Variants in KPTN observed in about 807,000 individuals in gnomAD.
KPTN encodes kaptin, actin binding protein, also known as KICSTOR complex protein kaptin.
Under a neutral mutation model 52.6 loss-of-function variants are expected in KPTN, and 36 were observed. The observed-to-expected ratio is 0.68, with a 90% confidence interval of 0.52 to 0.90. The LOEUF is 0.90. Among genes scored for constraint, KPTN ranks in the 40% least tolerant of loss-of-function variants. The pLI, the probability that KPTN is intolerant of heterozygous loss-of-function variation, is 0.00. For missense variants in KPTN, 529 were observed against 576.2 expected (o/e 0.92, Z 0.84); for synonymous variants, 271 against 248.4 (o/e 1.09, Z -0.85).
At chr19:47,482,493 A>AG (rs1432494339) in intron 4 of KPTN, among the ~76,000 whole-genome samples, 3 of 150,476 alleles carry the variant, frequency 2.0e-5, no homozygotes, top group South Asian at 4.2e-4. Flanking sequence ...AAAAAAAAAA[A>AG]AAGAAAGAAA....
At position 47,476,612 on chromosome 19, in the gene KPTN, C is replaced by T. The variant is rs989247581; in HGVS notation, c.1102G>A (p.Ala368Thr). ...WQRSFSSPLL[A>T]MAHVDLTGDG... Reference sequence around the variant, plus strand: ...CCGGTCAGGTCCACGTGAGCCATGGCCAGCAGGGGACTGGAGAAGCTCCGC... The same window carrying T: ...CCGGTCAGGTCCACGTGAGCCATGGTCAGCAGGGGACTGGAGAAGCTCCGC... Residue 368 changes from alanine (A) to threonine (T), a missense_variant, in exon 11 of 12, where the codon GCC (alanine) becomes ACC (threonine). By Grantham distance (58) the Ala-to-Thr change is moderately conservative. Transcript: ENST00000338134. The T allele has an allele frequency of 1.9e-6, 3 of 1,612,638 alleles. No homozygotes were observed. The highest frequency in any genetic ancestry group is 2.5e-6 in the Non-Finnish European group (3 of 1,179,774).
intron 8 of KPTN, among the ~76,000 whole-genome samples, chr19:47,479,334 C>T (rs1411938142): frequency 6.6e-6 from 1 of 152,162 alleles, no homozygotes; most frequent in Non-Finnish European, 1.5e-5. Flanking sequence ...CTAGTCAAAA[C>T]TTTTTTAAAA....
At position 47,476,714 on chromosome 19, in the gene KPTN, C is replaced by T. The variant is rs199899804; in HGVS notation, c.1000G>A (p.Glu334Lys). Residue 334 changes from glutamate (E) to lysine (K), a missense_variant and splice_region_variant, in exon 11 of 12, where the codon GAA (glutamate) becomes AAA (lysine). Transcript: ENST00000338134. ...CCCCGGTACTTATAACACAGCAGTT[C>T]CTGCGGGGGTGAAGAATCAGGTCAC... ...PEVLVATYGQ[E>K]LLCYKYRGPE... The T allele has an allele frequency of 3.7e-4, 590 of 1,610,266 alleles. No individual in the cohort carries two copies. Among genetic ancestry groups the T allele is most frequent in the Non-Finnish European group, 4.7e-4 (558 of 1,178,262 alleles).
At chr19:47,480,864 C>G (rs1967855112) in intron 5 of KPTN, 31 bp from the exon 6 acceptor site, 1 of 1,613,596 alleles carries the variant, frequency 6.2e-7, no homozygotes, top group African/African-American at 1.3e-5. Context: ...CCCACCCCCG[C>G]TTAAGTCAGC....
rs1374830924 is a variant in KPTN, at chr19:47,480,994, C to T, written c.489G>A (p.Leu163=). ...GATGAATGGCCGGGTCGTTCCCACT[C>T]AAGAGAAACACAGTCTCAAGTTGAT... The part of the protein sequence containing the change: ...VGDQLETVFL[L]SGNDPAIHLY... Residue 163 remains leucine, a synonymous_variant, in exon 5 of 12, where the codon TTG becomes TTA. Coordinates refer to ENST00000338134, the MANE Select transcript of KPTN (RefSeq NM_007059.4). 1 of 1,596,534 alleles carries T rather than the reference C, an allele frequency of 6.3e-7. No individual in the cohort carries two copies. The highest frequency in any genetic ancestry group is 1.8e-5 in the Admixed American group (1 of 56,798).
At chr19:47,481,745 C>T (rs908413775) in intron 4 of KPTN, 3 of 152,146 alleles carry the variant, frequency 2.0e-5, no homozygotes, top group Non-Finnish European at 4.4e-5. Flanking sequence ...ACAGACTGGC[C>T]CTCAAAGCCT....
chr19:47,484,810 T>C (rs756474454), upstream of KPTN, among the ~76,000 whole-genome samples: 1 of 151,496 alleles, frequency 6.6e-6, no homozygotes, highest in South Asian at 2.1e-4. Context: ...GTTCAAGCGA[T>C]TCTCCTGCCT....
chr19:47,476,494 G>A, intron 11 of KPTN, 38 bp downstream of exon 11: 1 of 1,545,282 alleles, frequency 6.5e-7, no homozygotes, highest in Non-Finnish European at 8.8e-7. Flanking sequence ...CGAAACTGCT[G>A]AGGTCGACTC....
chr19:47,480,490 C>G, intron 6 of KPTN, 83 bp from the exon 7 acceptor site: 1 of 1,009,280 alleles, frequency 9.9e-7, no homozygotes, highest in Non-Finnish European at 1.5e-6. Context: ...GCAGCCGCCC[C>G]TCCCTGTAGC....
At chr19:47,483,251 C>A (rs772328610) in intron 3 of KPTN, 36 bp from the exon 4 acceptor site, 4 of 1,613,596 alleles carry the variant, frequency 2.5e-6, no homozygotes, top group Non-Finnish European at 3.4e-6. Flanking sequence ...GCATGGGGGA[C>A]CTGCTGGGGA....
chr19:47,483,843 C>T, intron 1 of KPTN, 92 bp downstream of exon 1: 2 of 1,543,020 alleles, frequency 1.3e-6, no homozygotes, highest in Non-Finnish European at 1.8e-6. Flanking sequence ...TCCCATTCTT[C>T]CAGCACGGTG....
chr19:47,476,777 G>A lies in KPTN; in HGVS notation c.999+26C>T, dbSNP rs1366665757. The A allele has an allele frequency of 1.9e-6, 3 of 1,598,016 alleles. No homozygotes were observed. The African/African-American group carries it at 4.0e-5, about 21-fold the overall frequency. ...GGGGACAGTGGAGGGAGGCCGGTGG[G>A]TGTGGCTCCAACTGTCAGGTCCCAC... is the stretch of plus-strand genomic sequence containing the variant. On this transcript the variant is annotated intron_variant, in intron 10 of 11. Coordinates refer to ENST00000338134, the MANE Select transcript of KPTN (RefSeq NM_007059.4).
At chr19:47,476,330 T>A (rs1967663036) in intron 11 of KPTN, 1 of 334,350 alleles carries the variant, frequency 3.0e-6, no homozygotes, top group Admixed American at 7.1e-5. Context: ...AATAAATAAA[T>A]AAATAAATCT....
At chr19:47,485,285 AG>A (rs1968038851), upstream of KPTN, among the ~76,000 whole-genome samples, 4 of 152,240 alleles carry the variant, frequency 2.6e-5, no homozygotes. Flanking sequence ...ACCTCTACAA[AG>A]AGGTTTATTA....
At chr19:47,483,608 C>A in intron 1 of KPTN, 24 bp from the exon 2 acceptor site, 2 of 1,482,852 alleles carry the variant, frequency 1.3e-6, no homozygotes, top group South Asian at 1.2e-5. Flanking sequence ...GTTCTAAGTT[C>A]AGTGTCAGGC....
chr19:47,484,978 G>T (rs1968028476), upstream of KPTN, among the ~76,000 whole-genome samples: 1 of 152,136 alleles, frequency 6.6e-6, no homozygotes, highest in South Asian at 2.1e-4. Flanking sequence ...AGGATTATAG[G>T]CGTGAGCCCC....
At chr19:47,484,321 CG>C (rs1175856398), upstream of KPTN, 8 of 939,904 alleles carry the variant, frequency 8.5e-6, no homozygotes, top group Admixed American at 2.4e-4. Context: ...GCGGCCAGGT[CG>C]CCTGCTCGGG....
At chr19:47,483,713 C>T in intron 1 of KPTN, 129 bp from the exon 2 acceptor site, 1 of 890,976 alleles carries the variant, frequency 1.1e-6, no homozygotes, top group Non-Finnish European at 1.7e-6. Flanking sequence ...CACCTGATCT[C>T]TGTTCCCTGG....
At chr19:47,484,940 TC>T (rs1968027475), upstream of KPTN, among the ~76,000 whole-genome samples, 1 of 152,136 alleles carries the variant, frequency 6.6e-6, no homozygotes, top group Non-Finnish European at 1.5e-5. Context: ...CCTCAGGTGA[TC>T]CGCCCACCTC....
Sources: allele counts gnomAD v4.1 joint callset (sites outside exome capture counted in the v4.1 genomes callset), GRCh38; gene constraint gnomAD v4.1.1; transcripts MANE v1.5; gene names NCBI Gene and HGNC (gene_info 2026-07-23, HGNC 2026-07-21).